The following SPATA7 variants were observed in gnomAD, a reference collection of about 807,000 sequenced individuals.
SPATA7 encodes spermatogenesis-associated protein 7.
Under a neutral mutation model 51.8 loss-of-function variants are expected in SPATA7, and 43 were observed. The observed-to-expected ratio is 0.83, with a 90% confidence interval of 0.65 to 1.07. The LOEUF (loss-of-function observed/expected upper bound fraction) is 1.07. Among genes scored for constraint, SPATA7 ranks in the 50% least tolerant of loss-of-function variants. The probability of loss-of-function intolerance (pLI) is 0.00; values close to 1 mark genes in which losing one functional copy is unlikely to be tolerated. For synonymous variants in SPATA7, 230 were observed against 252.8 expected, an observed-to-expected ratio of 0.91 and a Z score of 0.86; for missense variants, 683 against 701.3, an observed-to-expected ratio of 0.97 and a Z score of 0.30.
chr14:88,408,774 T>A (rs1222894955), intron 4 of SPATA7, among the ~76,000 whole-genome samples: 1 of 152,216 alleles, frequency 6.6e-6, no homozygotes, highest in East Asian at 1.9e-4. Context: ...TATTTTGAGA[T>A]ACATTCTATC....
At chr14:88,466,298 G>A (rs1023642338) in intron 4 of SPATA7, 2 of 152,070 alleles carry the variant, frequency 1.3e-5, no homozygotes, top group Admixed American at 6.5e-5. Context: ...TTTTAATTTT[G>A]TTCCTACATG....
chr14:88,403,911 A>T (rs2076137429), intron 4 of SPATA7, among the ~76,000 whole-genome samples: 1 of 152,206 alleles, frequency 6.6e-6, no homozygotes, highest in South Asian at 2.1e-4. Context: ...CCACAAAAAA[A>T]AGAAAAAGTA....
intron 4 of SPATA7, among the ~76,000 whole-genome samples, chr14:88,407,791 G>C (rs1190197401): frequency 6.6e-6 from 1 of 152,224 alleles, no homozygotes; most frequent in African/African-American, 2.4e-5. Flanking sequence ...TGTATAAGGT[G>C]TAAGGAAGGG....
At chr14:88,436,215 G>C (rs943120085) in intron 10 of SPATA7, among the ~76,000 whole-genome samples, 3 of 152,108 alleles carry the variant, frequency 2.0e-5, no homozygotes, top group Admixed American at 6.5e-5. Context: ...TATGTCTTTT[G>C]AGAATTGTCT....
intron 4 of SPATA7, among the ~76,000 whole-genome samples, chr14:88,404,042 C>T (rs1566758684): frequency 6.6e-6 from 1 of 151,890 alleles, no homozygotes; most frequent in African/African-American, 2.4e-5. Flanking sequence ...CTTAACAAAG[C>T]TGAAAAAATT....
chr14:88,391,575 T>C, intron 2 of SPATA7, 120 bp downstream of exon 2: 1 of 832,446 alleles, frequency 1.2e-6, no homozygotes, highest in Non-Finnish European at 2.0e-6. Context: ...GAACTTCATA[T>C]TATTAATTTT....
At chr14:88,420,886 T>A (rs1031224400) in intron 5 of SPATA7, among the ~76,000 whole-genome samples, 32 of 151,994 alleles carry the variant, frequency 2.1e-4, no homozygotes, top group Admixed American at 7.9e-4. Context: ...GAGGCCAAGG[T>A]GGGTGGATCA....
downstream of SPATA7, among the ~76,000 whole-genome samples, chr14:88,442,659 A>G (rs1177844620): frequency 2.0e-5 from 3 of 152,126 alleles, no homozygotes; most frequent in African/African-American, 7.2e-5. Context: ...GTGATGGATT[A>G]TCTTTTTGAT....
chr14:88,462,417 C>T (rs148898643), intron 4 of SPATA7, among the ~76,000 whole-genome samples: 1 of 152,318 alleles, frequency 6.6e-6, no homozygotes, highest in East Asian at 1.9e-4. Context: ...AATCATCCAA[C>T]CTTCTGAATT....
intron 4 of SPATA7, among the ~76,000 whole-genome samples, chr14:88,398,824 G>A (rs1273116509): frequency 5.3e-5 from 8 of 151,810 alleles, no homozygotes; most frequent in South Asian, 4.2e-4. Context: ...AGGCTGAGGC[G>A]GGCGGATCAC....
At position 88,449,921 on chromosome 14, in the gene SPATA7, A is replaced by G. The variant is rs1328684789; in HGVS notation, c.178-5139A>G. ...CTGCTTGCTTTTGTTGTCCATTTGC[A>G]TGGAAAGATATTCCATTGGTAACAA... On this transcript the variant is annotated intron_variant, in intron 3 of 3. Coordinates refer to the SPATA7 transcript ENST00000554802. Among the ~76,000 whole-genome samples the G allele has an allele frequency of 2.0e-5, 3 of 151,920 alleles. 1 individual carries two copies. Among genetic ancestry groups the G allele is most frequent in the East Asian group, 3.9e-4 (2 of 5,156 alleles).
chr14:88,467,594 CATT>C (rs1566802272), intron 4 of SPATA7: 1 of 152,130 alleles, frequency 6.6e-6, no homozygotes, highest in African/African-American at 2.4e-5. Flanking sequence ...GCAACTAAAC[CATT>C]ATTAAGTACC....
chr14:88,433,940 G>A (rs1595292362), intron 10 of SPATA7, among the ~76,000 whole-genome samples: 1 of 151,952 alleles, frequency 6.6e-6, no homozygotes, highest in African/African-American at 2.4e-5. Flanking sequence ...TAAGATTTTT[G>A]GCATTAATTC....
chr14:88,396,100 TA>T, intron 3 of SPATA7, 55 bp from the exon 4 acceptor site: 1 of 1,367,556 alleles, frequency 7.3e-7, no homozygotes, highest in Non-Finnish European at 1.0e-6. Flanking sequence ...CCACATTTGG[TA>T]TTTGTCATTT....
At chr14:88,437,785 A>C (rs1216085949) in intron 11 of SPATA7, 53 bp from the exon 12 acceptor site, 28 of 1,526,960 alleles carry the variant, frequency 1.8e-5, no homozygotes, top group Non-Finnish European at 2.3e-5. Context: ...ACTGCAGTCA[A>C]AATTTAATTT....
chr14:88,457,033 G>A (rs1264200914), downstream of SPATA7, among the ~76,000 whole-genome samples: 1 of 152,150 alleles, frequency 6.6e-6, no homozygotes, highest in African/African-American at 2.4e-5. Context: ...TCAGATGGTT[G>A]TAGATGTGTG....
intron 4 of SPATA7, among the ~76,000 whole-genome samples, chr14:88,411,852 G>A (rs1203291970): frequency 6.6e-6 from 1 of 150,648 alleles, no homozygotes; most frequent in Non-Finnish European, 1.5e-5. Context: ...TGATTTTTTG[G>A]GGGGGGTTTA....
intron 9 of SPATA7, 117 bp downstream of exon 9, chr14:88,431,342 A>G: frequency 3.1e-6 from 3 of 979,696 alleles, no homozygotes; most frequent in Non-Finnish European, 4.9e-6. Flanking sequence ...ACTGGCAAGT[A>G]ATAAATGTAC....
intron 4 of SPATA7, among the ~76,000 whole-genome samples, chr14:88,414,276 T>C (rs950831704): frequency 9.2e-5 from 14 of 152,154 alleles, no homozygotes; most frequent in African/African-American, 3.4e-4. Flanking sequence ...TTCTTCTGAA[T>C]TCAATATTGG....
Sources: gnomAD v4.1 joint callset for allele counts (sites outside exome capture counted in the v4.1 genomes callset) on GRCh38, gnomAD v4.1.1 for gene constraint, MANE v1.5 for transcripts, NCBI Gene and HGNC (gene_info 2026-07-23, HGNC 2026-07-21) for gene names.